DOCK2: variants seen among roughly 807,000 people sequenced by gnomAD.
DOCK2 encodes the protein dedicator of cytokinesis protein 2.
A neutral mutation model predicts 248.9 loss-of-function variants in DOCK2; 87 were observed. The ratio of observed to expected loss-of-function variants is 0.35; its 90% CI spans 0.29 to 0.42. The LOEUF (loss-of-function observed/expected upper bound fraction) is 0.42, where lower values mean the gene tolerates loss of function less well. Ranked by LOEUF, DOCK2 falls within the 10% of genes least tolerant of loss-of-function variation. The pLI, the probability that DOCK2 is intolerant of heterozygous loss-of-function variation, is 1.00. For missense variants in DOCK2, 1,747 were observed against 2,300.2 expected (o/e 0.76, Z 4.92); for synonymous variants, 805 against 821.6 (o/e 0.98, Z 0.35).
chr5:169,760,189 A>G lies in DOCK2; in HGVS notation c.2447+414A>G, dbSNP rs557427639. On this transcript the variant is annotated intron_variant, in intron 24 of 51. Transcript: ENST00000520908. The stretch of plus-strand genomic sequence containing the variant: ...GCTCCCTTTTGCCTTCTACTTCTTA[A>G]CTACGTTCAGCTCATAGATGAACAC... 2.6e-5 allele frequency among the ~76,000 whole-genome samples: 4 copies of G among 152,212 alleles called. No individual in the cohort carries two copies. The South Asian group carries it at 8.3e-4, about 32-fold the overall frequency.
At chr5:169,946,135 G>A (rs1776438718) in intron 27 of DOCK2, among the ~76,000 whole-genome samples, 1 of 152,234 alleles carries the variant, frequency 6.6e-6, no homozygotes. Context: ...TATGAGGAAG[G>A]AGTGATCTAA....
At chr5:170,018,911 T>C in intron 32 of DOCK2, 49 bp from the exon 33 acceptor site, 2 of 1,597,170 alleles carry the variant, frequency 1.3e-6, no homozygotes, top group Non-Finnish European at 1.7e-6. Context: ...GAGGAGGACC[T>C]GTGCGTCGCC....
At chr5:169,654,093 A>G (rs1408788057) in intron 1 of DOCK2, among the ~76,000 whole-genome samples, 3 of 152,256 alleles carry the variant, frequency 2.0e-5, no homozygotes, top group Non-Finnish European at 2.9e-5. Context: ...TGCATAACAA[A>G]TGATGTAACA....
chr5:169,948,586 C>T (rs1384294690), intron 27 of DOCK2, among the ~76,000 whole-genome samples: 1 of 151,058 alleles, frequency 6.6e-6, no homozygotes, highest in Non-Finnish European at 1.5e-5. Flanking sequence ...CCCTTCTCTC[C>T]TTTCTTATTC....
chr5:169,918,676 G>A (rs770752863), intron 27 of DOCK2, among the ~76,000 whole-genome samples: 7 of 152,230 alleles, frequency 4.6e-5, no homozygotes, highest in Non-Finnish European at 7.3e-5. Flanking sequence ...ACTTTGGGAG[G>A]CCGAGGCGAG....
intron 38 of DOCK2, 66 bp downstream of exon 38, chr5:170,042,198 CTTA>C: frequency 6.6e-7 from 1 of 1,504,258 alleles, no homozygotes; most frequent in South Asian, 1.3e-5. Context: ...TCTCCCATAC[CTTA>C]CATCCAATCC....
chr5:169,820,728 G>A (rs1463348067), intron 26 of DOCK2, among the ~76,000 whole-genome samples: 3 of 152,332 alleles, frequency 2.0e-5, no homozygotes, highest in East Asian at 3.9e-4. Flanking sequence ...TCCTCCAAAG[G>A]AAAGCAGCTC....
intron 25 of DOCK2, 129 bp downstream of exon 25, chr5:169,761,754 G>A (rs895704376): frequency 1.6e-6 from 1 of 640,650 alleles, no homozygotes; most frequent in Non-Finnish European, 2.6e-6. Flanking sequence ...AACTCCCTTG[G>A]TCTGCATAAA....
chr5:169,852,182 A>T (rs2113375622), intron 27 of DOCK2, among the ~76,000 whole-genome samples: 1 of 152,226 alleles, frequency 6.6e-6, no homozygotes, highest in African/African-American at 2.4e-5. Flanking sequence ...ATCCTAATGA[A>T]ATTACCTCCA....
intron 2 of DOCK2, among the ~76,000 whole-genome samples, chr5:169,656,721 C>T (rs971178525): frequency 6.6e-6 from 1 of 152,182 alleles, no homozygotes; most frequent in African/African-American, 2.4e-5. Flanking sequence ...ATTGTGAAAT[C>T]CAGATGAGTA....
At chr5:169,828,451 G>T (rs530869094) in intron 26 of DOCK2, among the ~76,000 whole-genome samples, 4 of 152,262 alleles carry the variant, frequency 2.6e-5, no homozygotes, top group African/African-American at 9.6e-5. Context: ...GGGATTTGTG[G>T]GAGAAGTCCA....
intron 26 of DOCK2, among the ~76,000 whole-genome samples, chr5:169,825,335 G>A (rs1768774138): frequency 6.6e-6 from 1 of 152,068 alleles, no homozygotes; most frequent in South Asian, 2.1e-4. Flanking sequence ...GTTTATTGTG[G>A]CACTATTCAC....
Position 169,787,918 on chromosome 5 carries a change from T to C in DOCK2, c.2555-15140T>C, listed in dbSNP as rs529225189. Among the ~76,000 whole-genome samples the C allele has an allele frequency of 5.9e-5, 9 of 152,208 alleles. 1 individual carries two copies. Among genetic ancestry groups the C allele is most frequent in the African/African-American group, 2.2e-4 (9 of 41,524 alleles). ...AGAAGCCACTCTCTGCTAAATGCAT[T>C]GTAATTGCCCATGGGAAATTATTTT... On this transcript the variant is annotated intron_variant, in intron 25 of 51. Transcript: ENST00000520908.
At chr5:169,749,566 TTGA>T (rs1168080513) in intron 23 of DOCK2, among the ~76,000 whole-genome samples, 1 of 152,168 alleles carries the variant, frequency 6.6e-6, no homozygotes, top group Non-Finnish European at 1.5e-5. Context: ...TTCTATTTTA[TTGA>T]TGAGGGAATT....
rs1368718766 is a variant in DOCK2 at position 170,079,034 on chromosome 5, C to A, written c.5054C>A (p.Ser1685Tyr). 5 of 1,614,022 alleles carry A rather than the reference C, an allele frequency of 3.1e-6. No homozygotes were observed. Among genetic ancestry groups the A allele is most frequent in the Non-Finnish European group, 4.2e-6 (5 of 1,180,032 alleles). ...TPRVEQEEPI[S>Y]PGSTLPEVKL... is the part of the protein sequence containing the mutation. ...AGAGTGGAGCAGGAGGAACCGATCT[C>A]CCCGGGGAGCACCCTGCCTGAGGTC... The change falls in exon 49 of 52, where the codon TCC becomes TAC. Residue 1685 changes from serine to tyrosine, a missense_variant. By Grantham distance (144) the Ser-to-Tyr change is moderately radical (BLOSUM62 -2). Coordinates refer to ENST00000520908, the MANE Select transcript of DOCK2 (RefSeq NM_004946.3).
intron 27 of DOCK2, among the ~76,000 whole-genome samples, chr5:169,944,349 C>CAG (rs1409887154): frequency 3.3e-5 from 5 of 152,202 alleles, no homozygotes; most frequent in African/African-American, 1.2e-4. Flanking sequence ...TCAAGGCAGG[C>CAG]AGAGGCATGT....
intron 46 of DOCK2, among the ~76,000 whole-genome samples, chr5:170,071,334 A>C (rs1042828558): frequency 1.3e-5 from 2 of 152,180 alleles, no homozygotes; most frequent in Non-Finnish European, 2.9e-5. Flanking sequence ...TCTATGTTGG[A>C]TTTTGGTTTT....
chr5:170,026,799 T>C (rs1455795868), intron 33 of DOCK2, among the ~76,000 whole-genome samples: 1 of 152,220 alleles, frequency 6.6e-6, no homozygotes, highest in South Asian at 2.1e-4. Flanking sequence ...TGTAAATGGA[T>C]ACTTGCTTTC....
chr5:169,933,058 G>T (rs1398522113), intron 27 of DOCK2, among the ~76,000 whole-genome samples: 1 of 152,162 alleles, frequency 6.6e-6, no homozygotes, highest in South Asian at 2.1e-4. Flanking sequence ...TTATATCATT[G>T]CCTTTCCACC....
Sources: gnomAD v4.1 joint callset for allele counts (sites outside exome capture counted in the v4.1 genomes callset) on GRCh38, gnomAD v4.1.1 for gene constraint, MANE v1.5 for transcripts, NCBI Gene and HGNC (gene_info 2026-07-23, HGNC 2026-07-21) for gene names.